GLIS3: variants seen among roughly 807,000 people sequenced by gnomAD.
The protein encoded by GLIS3 is GLIS family zinc finger 3.
In GLIS3, 53 loss-of-function variants were observed where a neutral mutation model predicts 78.6. That is an observed-to-expected ratio of 0.67 (90% CI 0.54 to 0.85). The LOEUF is 0.85. Ranked by LOEUF, GLIS3 falls within the 40% of genes least tolerant of loss-of-function variation. The probability of loss-of-function intolerance (pLI) is 0.00; values close to 1 mark genes in which losing one functional copy is unlikely to be tolerated. For synonymous variants in GLIS3, 684 were observed against 509.9 expected (o/e 1.34, Z -4.60); for missense variants, 1,703 against 1,231.1 (o/e 1.38, Z -5.74).
In GLIS3 at chr9:3,971,050, C is replaced by G. The variant is rs1009471615; in HGVS notation, c.1711-33861G>C. Among the ~76,000 whole-genome samples, 92 of 138,736 alleles carry G rather than the reference C, an allele frequency of 6.6e-4. 1 individual carries two copies. Among genetic ancestry groups the G allele is most frequent in the Non-Finnish European group, 8.1e-4 (52 of 64,312 alleles). 91.0% of individuals were successfully genotyped at this position (138,736 alleles called of 152,430 possible). A position where few individuals can be genotyped will look rare whatever the true frequency, so the allele number is the denominator to read the frequency against. On this transcript the variant is annotated intron_variant, in intron 4 of 10. Transcript: ENST00000381971. Reference sequence around the variant, plus strand: ...TCGATCAAAGGAAAGAAGGAAGGATCGAAGGAAGGAAGGAAGGATTAATTG... The same window carrying G: ...TCGATCAAAGGAAAGAAGGAAGGATGGAAGGAAGGAAGGAAGGATTAATTG...
the GLIS3 span, among the ~76,000 whole-genome samples, chr9:4,413,100 G>A: frequency 6.6e-6 from 1 of 152,222 alleles, no homozygotes. Flanking sequence ...AATAGATGAT[G>A]CTTTTTGGCT....
At chr9:3,895,119 T>A (rs958596659) in intron 7 of GLIS3, among the ~76,000 whole-genome samples, 2 of 152,240 alleles carry the variant, frequency 1.3e-5, no homozygotes, top group African/African-American at 4.8e-5. Context: ...ACACTGTCCA[T>A]GATATCTCAG....
intron 2 of GLIS3, among the ~76,000 whole-genome samples, chr9:4,166,350 G>C (rs773404755): frequency 6.6e-6 from 1 of 152,170 alleles, no homozygotes; most frequent in Admixed American, 6.6e-5. Flanking sequence ...TGCAGCCCAG[G>C]AGACACTGGC....
upstream of GLIS3, among the ~76,000 whole-genome samples, chr9:4,349,833 C>A (rs546983271): frequency 6.6e-6 from 1 of 152,196 alleles, no homozygotes; most frequent in African/African-American, 2.4e-5. Context: ...AGTCATGAAG[C>A]CTTCAGGGTG....
intron 2 of GLIS3, chr9:4,147,294 T>TA (rs1834300620): frequency 6.6e-6 from 1 of 152,268 alleles, no homozygotes; most frequent in Non-Finnish European, 1.5e-5. Context: ...ACAAATTTCT[T>TA]ACCATTATTC....
chr9:4,217,830 G>A (rs914715653), intron 2 of GLIS3, among the ~76,000 whole-genome samples: 5 of 152,054 alleles, frequency 3.3e-5, no homozygotes, highest in African/African-American at 4.8e-5. Flanking sequence ...GGATTTCCGT[G>A]GAATTAAATT....
the GLIS3 span, among the ~76,000 whole-genome samples, chr9:4,381,837 T>C: frequency 2.0e-5 from 3 of 152,074 alleles, no homozygotes; most frequent in Non-Finnish European, 4.4e-5. Context: ...TCTTATACTC[T>C]CTTTGTTTCT....
chr9:4,421,056 T>C, the GLIS3 span, among the ~76,000 whole-genome samples: 7,695 of 152,326 alleles, frequency 0.051, 267 homozygotes, highest in South Asian at 0.14. Flanking sequence ...TTCTGAGGCA[T>C]TGAATAGTGA....
chr9:4,153,838 T>C (rs968522906), intron 2 of GLIS3, among the ~76,000 whole-genome samples: 3 of 152,214 alleles, frequency 2.0e-5, no homozygotes, highest in African/African-American at 7.2e-5. Context: ...CAACTTAGCA[T>C]CCTTAAAACA....
chr9:3,830,547 A>T (rs1219558409), intron 9 of GLIS3, among the ~76,000 whole-genome samples: 1 of 152,128 alleles, frequency 6.6e-6, no homozygotes, highest in Non-Finnish European at 1.5e-5. Flanking sequence ...TCCATCTCTA[A>T]CGTTTTAAAG....
intron 2 of GLIS3, among the ~76,000 whole-genome samples, chr9:4,208,383 C>G (rs1820066643): frequency 6.6e-6 from 1 of 152,180 alleles, no homozygotes; most frequent in Admixed American, 6.5e-5. Flanking sequence ...TGCAGCTCAG[C>G]CTGACGTCAA....
chr9:3,895,736 T>C (rs1250709192), intron 7 of GLIS3, among the ~76,000 whole-genome samples: 3 of 152,214 alleles, frequency 2.0e-5, no homozygotes, highest in Non-Finnish European at 4.4e-5. Flanking sequence ...TATCCTTCTC[T>C]TAGAATGTTA....
intron 2 of GLIS3, among the ~76,000 whole-genome samples, chr9:4,153,701 G>C (rs1834849634): frequency 6.6e-6 from 1 of 152,208 alleles, no homozygotes; most frequent in African/African-American, 2.4e-5. Context: ...TGGATGAAAA[G>C]AGATCAATAA....
At chr9:4,083,072 C>A (rs895031619) in intron 4 of GLIS3, among the ~76,000 whole-genome samples, 1 of 152,048 alleles carries the variant, frequency 6.6e-6, no homozygotes, top group Non-Finnish European at 1.5e-5. Context: ...TTTCTCTGTT[C>A]CCTTTGGGTT....
At chr9:4,218,149 A>T (rs542746814) in intron 2 of GLIS3, among the ~76,000 whole-genome samples, 1 of 152,314 alleles carries the variant, frequency 6.6e-6, no homozygotes, top group South Asian at 2.1e-4. Flanking sequence ...GCCATCCTTA[A>T]TTTGTCTCCT....
At chr9:4,395,764 TTTTTC>T in the GLIS3 span, among the ~76,000 whole-genome samples, 1 of 137,486 alleles carries the variant, frequency 7.3e-6, no homozygotes, top group South Asian at 2.2e-4. Flanking sequence ...ACCATTTTCT[TTTTTC>T]TTTTTTTCTT....
chr9:4,023,646 T>G (rs1354419546), intron 4 of GLIS3, among the ~76,000 whole-genome samples: 2 of 152,196 alleles, frequency 1.3e-5, no homozygotes, highest in Non-Finnish European at 2.9e-5. Flanking sequence ...ACTTTCAGGT[T>G]TTCTACAAGA....
the GLIS3 span, among the ~76,000 whole-genome samples, chr9:4,392,763 C>A: frequency 1.3e-5 from 2 of 152,188 alleles, no homozygotes; most frequent in African/African-American, 4.8e-5. Context: ...CCCAAGGGAG[C>A]ACCTCAGAGT....
rs544145453 is a variant in GLIS3, at chr9:3,876,424, G to C, written c.2297+3003C>G. On this transcript the variant is annotated intron_variant, in intron 8 of 10. Transcript: ENST00000381971. ...ATAGAAAACATTATTCACAAAATTTGGGAAATCTGAATAGCAAGTAACCAT... is the reference window on the plus strand; with the variant it reads ...ATAGAAAACATTATTCACAAAATTTCGGAAATCTGAATAGCAAGTAACCAT... 2.6e-5 allele frequency among the ~76,000 whole-genome samples: 4 copies of C among 151,276 alleles called. No homozygotes were observed. The South Asian group carries it at 8.4e-4, about 32-fold the overall frequency.
Sources: gnomAD v4.1 joint callset for allele counts (sites outside exome capture counted in the v4.1 genomes callset) on GRCh38, gnomAD v4.1.1 for gene constraint, MANE v1.5 for transcripts, NCBI Gene and HGNC (gene_info 2026-07-23, HGNC 2026-07-21) for gene names.